Variants in WASL observed in about 807,000 individuals in gnomAD.
WASL encodes the protein actin nucleation-promoting factor WASL.
A neutral mutation model predicts 55.5 loss-of-function variants in WASL; 20 were observed. The ratio of observed to expected loss-of-function variants is 0.36; its 90% CI spans 0.25 to 0.52. WASL has a LOEUF of 0.52. Among genes scored for constraint, WASL ranks in the 20% least tolerant of loss-of-function variants. WASL has a pLI of 0.92. For synonymous variants in WASL, 249 were observed against 217.6 expected, an observed-to-expected ratio of 1.14 and a Z score of -1.27; for missense variants, 504 against 622.5, an observed-to-expected ratio of 0.81 and a Z score of 2.03.
intron 1 of WASL, among the ~76,000 whole-genome samples, chr7:123,728,778 GTGAGC>G (rs199653551): frequency 0.023 from 3,485 of 152,150 alleles, 78 homozygotes; most frequent in Middle Eastern, 0.065. Context: ...GGAGTTTGCA[GTGAGC>G]TGAACTCGTA....
intron 9 of WASL, among the ~76,000 whole-genome samples, chr7:123,690,774 C>G (rs909329533): frequency 1.8e-4 from 28 of 151,652 alleles, no homozygotes; most frequent in African/African-American, 6.3e-4. Flanking sequence ...GAGAAAGAAA[C>G]AAAGTTGGTT....
chr7:123,722,516 T>C (rs894480216), intron 1 of WASL, among the ~76,000 whole-genome samples: 1 of 152,140 alleles, frequency 6.6e-6, no homozygotes, highest in African/African-American at 2.4e-5. Flanking sequence ...AAAGGAGATA[T>C]GTTTAGAAAA....
At chr7:123,704,302 C>T (rs995435246) in intron 5 of WASL, among the ~76,000 whole-genome samples, 2 of 151,980 alleles carry the variant, frequency 1.3e-5, no homozygotes, top group East Asian at 1.9e-4. Context: ...TGTTAAGGTC[C>T]GATTGTATAC....
chr7:123,689,865 T>C (rs1016830078), intron 9 of WASL, among the ~76,000 whole-genome samples: 4 of 149,858 alleles, frequency 2.7e-5, no homozygotes, highest in East Asian at 3.9e-4. Context: ...ATATATAATA[T>C]ATATTTTTGA....
intron 1 of WASL, among the ~76,000 whole-genome samples, chr7:123,736,318 A>G (rs1804227082): frequency 6.6e-6 from 1 of 152,186 alleles, no homozygotes; most frequent in African/African-American, 2.4e-5. Context: ...ACTGCAAGAA[A>G]ATGATACCAG....
At chr7:123,723,043 A>G (rs563535398) in intron 1 of WASL, among the ~76,000 whole-genome samples, 1 of 152,262 alleles carries the variant, frequency 6.6e-6, no homozygotes, top group Admixed American at 6.5e-5. Flanking sequence ...GAACTACCCT[A>G]TCCCTGTTTT....
chr7:123,720,468 C>T (rs567138912), intron 1 of WASL: 3 of 361,034 alleles, frequency 8.3e-6, no homozygotes, highest in Non-Finnish European at 1.6e-5. Flanking sequence ...CACAATACCA[C>T]AAACAAGAAT....
At chr7:123,748,198 A>G (rs1245964350) in intron 1 of WASL, among the ~76,000 whole-genome samples, 3 of 151,830 alleles carry the variant, frequency 2.0e-5, no homozygotes, top group Non-Finnish European at 4.4e-5. Flanking sequence ...CACTCCTCAA[A>G]CCTGGCATTG....
intron 1 of WASL, among the ~76,000 whole-genome samples, chr7:123,732,086 G>C (rs777516831): frequency 1.6e-4 from 24 of 152,150 alleles, no homozygotes; most frequent in Non-Finnish European, 2.8e-4. Context: ...CCAGCACTTT[G>C]GGAGGCCAAG....
At chr7:123,741,071 G>C (rs183751707) in intron 1 of WASL, among the ~76,000 whole-genome samples, 1 of 152,264 alleles carries the variant, frequency 6.6e-6, no homozygotes, top group African/African-American at 2.4e-5. Context: ...AAGTGTGCGA[G>C]TGAGTTGTGG....
intron 1 of WASL, among the ~76,000 whole-genome samples, chr7:123,741,036 C>G (rs1804332878): frequency 6.6e-6 from 1 of 152,090 alleles, no homozygotes; most frequent in Non-Finnish European, 1.5e-5. Context: ...GTTCACTGGT[C>G]TGTCTACATT....
intron 1 of WASL, among the ~76,000 whole-genome samples, chr7:123,739,637 G>A (rs532306801): frequency 1.3e-5 from 2 of 152,276 alleles, no homozygotes; most frequent in South Asian, 4.1e-4. Context: ...AGGAAGGCTA[G>A]GCTAAGCTAT....
intron 1 of WASL, among the ~76,000 whole-genome samples, chr7:123,713,895 A>C (rs1803798370): frequency 6.6e-6 from 1 of 152,226 alleles, no homozygotes; most frequent in Non-Finnish European, 1.5e-5. Flanking sequence ...GCAGGATGAG[A>C]TACCCACAAA....
chr7:123,716,183 G>A (rs1359124609), intron 1 of WASL, among the ~76,000 whole-genome samples: 3 of 151,982 alleles, frequency 2.0e-5, no homozygotes, highest in Admixed American at 1.3e-4. Flanking sequence ...GGGTACCCTA[G>A]GAGTCCCAGC....
At chr7:123,707,383 T>C (rs561998253) in intron 2 of WASL, among the ~76,000 whole-genome samples, 2 of 152,292 alleles carry the variant, frequency 1.3e-5, no homozygotes, top group Admixed American at 6.5e-5. Context: ...CTAGTATAAG[T>C]AGTATTAATC....
rs1803207585 is a variant in WASL, at chr7:123,682,183, C to T, written c.*2336G>A. The T allele has an allele frequency of 6.6e-6, 1 of 152,110 alleles. No homozygotes were observed. The highest frequency in any genetic ancestry group is 6.6e-5 in the Admixed American group (1 of 15,248). The allele number at this position is 152,110 out of a possible 1,614,324, so 9.4% of individuals were successfully genotyped here. On this transcript the variant is annotated 3_prime_UTR_variant, in exon 11 of 11. Transcript: ENST00000223023. ...CATGCTAGTTTGTTAAATGCAAAGG[C>T]TACCAGACGACCATTTAGCTGGAGA...
chr7:123,712,268 C>A (rs1296443594), intron 1 of WASL, among the ~76,000 whole-genome samples: 2 of 152,044 alleles, frequency 1.3e-5, no homozygotes, highest in Non-Finnish European at 2.9e-5. Flanking sequence ...TTCCTAACCA[C>A]TAAAAAGACT....
chr7:123,719,366 CCT>C (rs1271202033), intron 1 of WASL, among the ~76,000 whole-genome samples: 1 of 152,110 alleles, frequency 6.6e-6, no homozygotes, highest in Non-Finnish European at 1.5e-5. Flanking sequence ...AGTGAAGTAC[CCT>C]CTCTGACTCT....
intron 1 of WASL, among the ~76,000 whole-genome samples, chr7:123,743,871 C>G (rs1002018123): frequency 3.3e-5 from 5 of 152,180 alleles, no homozygotes; most frequent in African/African-American, 4.8e-5. Context: ...ATTCATAACC[C>G]AACCCTGTTG....
Sources: allele counts gnomAD v4.1 joint callset (sites outside exome capture counted in the v4.1 genomes callset), GRCh38; gene constraint gnomAD v4.1.1; transcripts MANE v1.5; gene names NCBI Gene and HGNC (gene_info 2026-07-23, HGNC 2026-07-21).